Variants in ERC2 observed in about 807,000 individuals in gnomAD.
ERC2 encodes the protein ELKS/RAB6-interacting/CAST family member 2.
Under a neutral mutation model 114.8 loss-of-function variants are expected in ERC2, and 42 were observed. The observed-to-expected ratio is 0.37, with a 90% CI of 0.29 to 0.47. The LOEUF is 0.47. Ranked by LOEUF, ERC2 falls within the 20% of genes least tolerant of loss-of-function variation. ERC2 has a pLI of 0.99. For missense variants in ERC2, 939 were observed against 1,150.7 expected (o/e 0.82, Z 2.66); for synonymous variants, 454 against 425.5 (o/e 1.07, Z -0.82).
At chr3:56,232,601 C>T (rs1273337629) in intron 3 of ERC2, among the ~76,000 whole-genome samples, 4 of 152,206 alleles carry the variant, frequency 2.6e-5, no homozygotes, top group Non-Finnish European at 5.9e-5. Flanking sequence ...CAACAGGACA[C>T]ATACAGAGAT....
chr3:56,152,973 C>G (rs1256113808), intron 4 of ERC2, among the ~76,000 whole-genome samples: 4 of 152,090 alleles, frequency 2.6e-5, no homozygotes, highest in African/African-American at 9.7e-5. Context: ...TCTAAGCCAG[C>G]CTTAAATACT....
chr3:55,597,283 G>T (rs1273761323), intron 17 of ERC2, among the ~76,000 whole-genome samples: 1 of 152,164 alleles, frequency 6.6e-6, no homozygotes, highest in East Asian at 1.9e-4. Flanking sequence ...AGCCGGGTGT[G>T]GTGGCAGGTG....
intron 7 of ERC2, among the ~76,000 whole-genome samples, chr3:56,031,617 C>T (rs1405725107): frequency 6.6e-6 from 1 of 152,174 alleles, no homozygotes; most frequent in East Asian, 1.9e-4. Context: ...TGATACCACC[C>T]AATGAACAAA....
intron 3 of ERC2, among the ~76,000 whole-genome samples, chr3:56,259,117 C>A (rs2052732836): frequency 6.6e-6 from 1 of 151,722 alleles, no homozygotes; most frequent in Non-Finnish European, 1.5e-5. Flanking sequence ...GGATTACAGG[C>A]CTGTGCCACC....
intron 17 of ERC2, among the ~76,000 whole-genome samples, chr3:55,549,088 T>A (rs1296349727): frequency 1.3e-5 from 2 of 152,208 alleles, no homozygotes; most frequent in Non-Finnish European, 2.9e-5. Context: ...TCCATACTTA[T>A]TTATTACAGA....
intron 3 of ERC2, among the ~76,000 whole-genome samples, chr3:56,255,419 C>T (rs989104833): frequency 5.9e-5 from 9 of 152,200 alleles, no homozygotes; most frequent in South Asian, 2.1e-4. Flanking sequence ...CAGCTGCTTT[C>T]GCCACACCAC....
chr3:55,693,299 C>T (rs1396367074), intron 16 of ERC2, among the ~76,000 whole-genome samples: 1 of 152,166 alleles, frequency 6.6e-6, no homozygotes, highest in African/African-American at 2.4e-5. Flanking sequence ...CTGAAAGTAC[C>T]CCTAGCACCC....
intron 14 of ERC2, among the ~76,000 whole-genome samples, chr3:55,836,893 C>G (rs1559738768): frequency 6.6e-6 from 1 of 152,002 alleles, no homozygotes; most frequent in Non-Finnish European, 1.5e-5. Flanking sequence ...ACAATGAACT[C>G]AAACAAATTT....
At chr3:56,211,235 A>G (rs1194139290) in intron 3 of ERC2, among the ~76,000 whole-genome samples, 1 of 152,150 alleles carries the variant, frequency 6.6e-6, no homozygotes, top group Non-Finnish European at 1.5e-5. Context: ...AGAACTAGTA[A>G]ATGAATTCAA....
chr3:55,521,969 G>A (rs2052978483), intron 17 of ERC2, among the ~76,000 whole-genome samples: 1 of 152,214 alleles, frequency 6.6e-6, no homozygotes, highest in Non-Finnish European at 1.5e-5. Context: ...TGCCTGCAAG[G>A]ATGGCCTGCT....
chr3:55,888,632 A>T, intron 13 of ERC2, 83 bp from the exon 14 acceptor site: 4 of 1,528,344 alleles, frequency 2.6e-6, no homozygotes, highest in Non-Finnish European at 3.6e-6. Context: ...TTCCAACAAC[A>T]AACACAAAGG....
chr3:55,539,411 C>CTTTTTTTTTT (rs1559619170), intron 17 of ERC2, among the ~76,000 whole-genome samples: 4 of 49,046 alleles, frequency 8.2e-5, no homozygotes, highest in East Asian at 8.5e-4. Context: ...CTCTTTTTTT[C>CTTTTTTTTTT]TTTCTTTTTT....
intron 14 of ERC2, among the ~76,000 whole-genome samples, chr3:55,841,306 T>G (rs1046847593): frequency 6.6e-6 from 1 of 152,124 alleles, no homozygotes; most frequent in African/African-American, 2.4e-5. Flanking sequence ...TCCTATGCTG[T>G]TCTCATGACA....
chr3:55,583,370 C>T (rs1019291552), intron 17 of ERC2, among the ~76,000 whole-genome samples: 5 of 148,838 alleles, frequency 3.4e-5, no homozygotes, highest in Non-Finnish European at 7.4e-5. Context: ...TGCCTGCCTG[C>T]CTTCTTTCCT....
intron 6 of ERC2, among the ~76,000 whole-genome samples, chr3:56,133,892 C>T (rs2080347061): frequency 6.6e-6 from 1 of 152,206 alleles, no homozygotes; most frequent in African/African-American, 2.4e-5. Context: ...TGACACCTCA[C>T]TGATTTGGAC....
At chr3:56,076,703 T>C (rs189388755) in intron 7 of ERC2, among the ~76,000 whole-genome samples, 94 of 152,316 alleles carry the variant, frequency 6.2e-4, no homozygotes, top group Non-Finnish European at 1.1e-3. Context: ...GATCTCTGTC[T>C]TCCCACAAAA....
At chr3:55,723,995 G>A (rs184680130) in intron 15 of ERC2, among the ~76,000 whole-genome samples, 51 of 152,080 alleles carry the variant, frequency 3.4e-4, no homozygotes, top group African/African-American at 1.1e-3. Flanking sequence ...AGGAAGGAAC[G>A]GAGGGAGAGA....
In ERC2 at chr3:56,354,907, C is replaced by A. The variant is rs547890904; in HGVS notation, c.658-58472G>T. Among the ~76,000 whole-genome samples, 8 of 152,292 alleles carry A rather than the reference C, an allele frequency of 5.3e-5. No individual in the cohort carries two copies. The South Asian group carries it at 1.5e-3, about 28-fold the overall frequency. ...AGCCCTCCCCAGCAGCCTCCGGCAC[C>A]TGTATGTTTGAATTAGCAAATAAAT... On this transcript the variant is annotated intron_variant, in intron 2 of 17. Coordinates refer to ENST00000288221, the MANE Select transcript of ERC2 (RefSeq NM_015576.3).
intron 14 of ERC2, among the ~76,000 whole-genome samples, chr3:55,773,847 C>T (rs2068406612): frequency 6.6e-6 from 1 of 152,178 alleles, no homozygotes; most frequent in African/African-American, 2.4e-5. Flanking sequence ...GTTCACTGAA[C>T]ACCCAGGATA....
Sources: allele counts gnomAD v4.1 joint callset (sites outside exome capture counted in the v4.1 genomes callset), GRCh38; gene constraint gnomAD v4.1.1; transcripts MANE v1.5; gene names NCBI Gene and HGNC (gene_info 2026-07-23, HGNC 2026-07-21).